Variants in SDK1 observed in about 807,000 individuals in gnomAD.
SDK1 encodes the protein sidekick cell adhesion molecule 1, also known as protein sidekick-1.
Under a neutral mutation model 245.5 loss-of-function variants are expected in SDK1, and 157 were observed. The observed-to-expected ratio is 0.64, with a 90% CI of 0.56 to 0.73. SDK1 has a LOEUF of 0.73. Ranked by LOEUF, SDK1 falls within the 30% of genes least tolerant of loss-of-function variation. SDK1 has a pLI of 0.00. For synonymous variants in SDK1, 1,647 were observed against 1,278.5 expected, an observed-to-expected ratio of 1.29 and a Z score of -6.15; for missense variants, 3,583 against 3,002.3, an observed-to-expected ratio of 1.19 and a Z score of -4.52.
intron 28 of SDK1, among the ~76,000 whole-genome samples, chr7:4,143,653 C>T (rs1041910242): frequency 6.6e-6 from 1 of 152,182 alleles, no homozygotes; most frequent in Non-Finnish European, 1.5e-5. Flanking sequence ...GATGCTTCTG[C>T]GCAGTGGGCC....
At chr7:3,782,003 A>T (rs1780760665) in intron 4 of SDK1, among the ~76,000 whole-genome samples, 1 of 152,228 alleles carries the variant, frequency 6.6e-6, no homozygotes, top group South Asian at 2.1e-4. Flanking sequence ...TATTTAAAGA[A>T]ATAATAGCTG....
At chr7:3,604,602 C>CTTTTTTTTTTTTTTTTT (rs201453008) in intron 1 of SDK1, among the ~76,000 whole-genome samples, 2 of 110,496 alleles carry the variant, frequency 1.8e-5, no homozygotes, top group Non-Finnish European at 3.7e-5. Flanking sequence ...CTTTTCTTTT[C>CTTTTTTTTTTTTTTTTT]TTTTTTTTTT....
intron 5 of SDK1, among the ~76,000 whole-genome samples, chr7:3,874,313 G>C (rs1781023660): frequency 6.6e-6 from 1 of 152,184 alleles, no homozygotes; most frequent in Admixed American, 6.5e-5. Flanking sequence ...ACTTGACTTT[G>C]AGTCTTCTCT....
chr7:4,058,080 C>T (rs1161630981), intron 19 of SDK1, among the ~76,000 whole-genome samples: 1 of 150,446 alleles, frequency 6.6e-6, no homozygotes, highest in Non-Finnish European at 1.5e-5. Context: ...TATGAAATCC[C>T]AGAAAAAAAA....
At chr7:3,738,804 G>T (rs1048989074) in intron 4 of SDK1, among the ~76,000 whole-genome samples, 2 of 150,840 alleles carry the variant, frequency 1.3e-5, no homozygotes, top group African/African-American at 2.4e-5. Flanking sequence ...TAATGAAATT[G>T]TTTTCTTAAT....
At chr7:3,583,985 T>C (rs1780600980) in intron 1 of SDK1, among the ~76,000 whole-genome samples, 1 of 151,984 alleles carries the variant, frequency 6.6e-6, no homozygotes, top group Admixed American at 6.6e-5. Flanking sequence ...GGGGTCAGAC[T>C]CCACCCCAAG....
chr7:3,697,157 G>GCC (rs1784599498), intron 4 of SDK1, among the ~76,000 whole-genome samples: 1 of 151,992 alleles, frequency 6.6e-6, no homozygotes, highest in African/African-American at 2.4e-5. Flanking sequence ...GAACATCAAT[G>GCC]ATCCCATGCT....
At chr7:3,642,897 C>G (rs966254926) in intron 4 of SDK1, 2 of 152,194 alleles carry the variant, frequency 1.3e-5, no homozygotes, top group African/African-American at 2.4e-5. Context: ...ATATTTATGC[C>G]ATCCAGTGGT....
In SDK1 at chr7:4,126,505, G is replaced by C. The variant is rs536303164; in HGVS notation, c.3824-876G>C. ...GGAGGCCGAGGCGGACAAATCACTTGAGGTCAGGCATTCGAGACCAGCCTG... is the reference window on the plus strand; with the variant it reads ...GGAGGCCGAGGCGGACAAATCACTTCAGGTCAGGCATTCGAGACCAGCCTG... On this transcript the variant is annotated intron_variant, in intron 25 of 44. Coordinates refer to ENST00000404826, the MANE Select transcript of SDK1 (RefSeq NM_152744.4). Among the ~76,000 whole-genome samples, 20 of 152,292 alleles carry C rather than the reference G, an allele frequency of 1.3e-4. 1 individual carries two copies. Among genetic ancestry groups the C allele is most frequent in the Admixed American group, 2.0e-4 (3 of 15,308 alleles).
At chr7:3,901,222 C>A (rs1238464726) in intron 5 of SDK1, among the ~76,000 whole-genome samples, 1 of 151,570 alleles carries the variant, frequency 6.6e-6, no homozygotes, top group South Asian at 2.1e-4. Flanking sequence ...GAGTCTTGCT[C>A]TGTCACCAAG....
chr7:3,698,983 C>T lies in SDK1; in HGVS notation c.713+56878C>T, dbSNP rs777121169. On this transcript the variant is annotated intron_variant, in intron 4 of 44. Transcript: ENST00000404826. ...GACATCAGCAGAGAGGCCCAGGGGA[C>T]GCTGGAGCTTTCACCCAAACCTGGG... is the stretch of plus-strand genomic sequence containing the variant. Among the ~76,000 whole-genome samples, 18 of 152,144 alleles carry T rather than the reference C, an allele frequency of 1.2e-4. No individual in the cohort carries two copies. In the East Asian group the frequency reaches 1.5e-3, roughly 13 times the overall value.
intron 4 of SDK1, among the ~76,000 whole-genome samples, chr7:3,751,713 C>T (rs1270585962): frequency 1.3e-5 from 2 of 152,152 alleles, no homozygotes; most frequent in South Asian, 2.1e-4. Flanking sequence ...CTGACAGATG[C>T]GGAAGGGGGT....
intron 1 of SDK1, among the ~76,000 whole-genome samples, chr7:3,496,096 A>C (rs1027593590): frequency 7.2e-5 from 11 of 152,150 alleles, no homozygotes; most frequent in African/African-American, 2.7e-4. Flanking sequence ...TGGACCCTGG[A>C]GATGCGTAGT....
intron 43 of SDK1, among the ~76,000 whole-genome samples, chr7:4,244,508 C>G (rs1429596344): frequency 1.3e-5 from 2 of 152,236 alleles, no homozygotes; most frequent in African/African-American, 4.8e-5. Context: ...AAAACAGAAG[C>G]TGGGCTTTTA....
intron 5 of SDK1, among the ~76,000 whole-genome samples, chr7:3,872,607 A>G (rs1341409789): frequency 1.4e-5 from 2 of 146,008 alleles, no homozygotes; most frequent in Non-Finnish European, 3.0e-5. Context: ...CATATGTGAT[A>G]TCAGCAGTGA....
chr7:4,264,677 C>T (rs1235415462), intron 44 of SDK1, among the ~76,000 whole-genome samples: 1 of 150,656 alleles, frequency 6.6e-6, no homozygotes, highest in African/African-American at 2.5e-5. Flanking sequence ...GTGAGGGAGG[C>T]TGCGTAGATC....
At chr7:3,803,082 C>T (rs1054140008) in intron 4 of SDK1, among the ~76,000 whole-genome samples, 2 of 152,112 alleles carry the variant, frequency 1.3e-5, no homozygotes, top group Non-Finnish European at 1.5e-5. Flanking sequence ...TTTTCATTCT[C>T]TCAGCAACAT....
intron 22 of SDK1, among the ~76,000 whole-genome samples, chr7:4,105,174 G>T (rs1452251065): frequency 6.6e-6 from 1 of 151,854 alleles, no homozygotes; most frequent in African/African-American, 2.4e-5. Flanking sequence ...GCAGAGACGG[G>T]GTTTCACCAT....
intron 17 of SDK1, among the ~76,000 whole-genome samples, chr7:4,033,292 C>T (rs1002008568): frequency 6.6e-6 from 1 of 152,170 alleles, no homozygotes; most frequent in Non-Finnish European, 1.5e-5. Flanking sequence ...TCCCTACCCC[C>T]ATATACAAGG....
Sources: gnomAD v4.1 joint callset for allele counts (sites outside exome capture counted in the v4.1 genomes callset) on GRCh38, gnomAD v4.1.1 for gene constraint, MANE v1.5 for transcripts, NCBI Gene and HGNC (gene_info 2026-07-23, HGNC 2026-07-21) for gene names.